YTHDC2: variants seen among roughly 807,000 people sequenced by gnomAD.
YTHDC2 encodes 3'-5' RNA helicase YTHDC2.
Under a neutral mutation model 174.9 loss-of-function variants are expected in YTHDC2, and 45 were observed. The observed-to-expected ratio is 0.26, with a 90% CI of 0.20 to 0.33. The LOEUF (loss-of-function observed/expected upper bound fraction) is 0.33, where lower values mean the gene tolerates loss of function less well. Among genes scored for constraint, YTHDC2 ranks in the 10% least tolerant of loss-of-function variants. The probability of loss-of-function intolerance (pLI) is 1.00; values close to 1 mark genes in which losing one functional copy is unlikely to be tolerated. For missense variants in YTHDC2, 1,650 were observed against 1,723.7 expected, an observed-to-expected ratio of 0.96 and a Z score of 0.76; for synonymous variants, 657 against 574.5, an observed-to-expected ratio of 1.14 and a Z score of -2.05.
At chr5:113,586,871 CTCTATA>C (rs1172928766) in intron 26 of YTHDC2, among the ~76,000 whole-genome samples, 4 of 130,544 alleles carry the variant, frequency 3.1e-5, no homozygotes, top group African/African-American at 1.2e-4. Context: ...CTCTCTCTCT[CTCTATA>C]TATATATATA....
At chr5:113,576,786 T>A (rs1778080321) in intron 23 of YTHDC2, among the ~76,000 whole-genome samples, 1 of 151,976 alleles carries the variant, frequency 6.6e-6, no homozygotes, top group Admixed American at 6.6e-5. Flanking sequence ...AAAGATGTTA[T>A]TAATCTTTTT....
In YTHDC2 at chr5:113,567,711, A is replaced by T; in HGVS notation, c.3106A>T (p.Ile1036Phe). 6.2e-7 allele frequency: 1 copy of T among 1,610,054 alleles called. No individual in the cohort carries two copies. The highest frequency in any genetic ancestry group is 2.2e-5 in the East Asian group (1 of 44,636). Reference protein sequence around the residue: ...AIKALPTDWLIYDEMTRAHRI... With the variant: ...AIKALPTDWLFYDEMTRAHRI... ...TAAGGCACTGCCCACAGATTGGCTT[A>T]TTTATGATGAAATGACCAGAGCCCA... The change falls in exon 23 of 30, where the codon ATT becomes TTT. Residue 1036 changes from isoleucine to phenylalanine, a missense_variant. Ile to Phe is a conservative substitution (Grantham distance 21). Transcript: ENST00000161863.
At chr5:113,562,808 T>A (rs1204994715) in intron 18 of YTHDC2, among the ~76,000 whole-genome samples, 1 of 152,220 alleles carries the variant, frequency 6.6e-6, no homozygotes, top group Non-Finnish European at 1.5e-5. Context: ...TTTTCTGAAC[T>A]TGCTTAAATC....
chr5:113,553,370 G>A lies in YTHDC2; in HGVS notation c.1867+11G>A, dbSNP rs1298692439. On this transcript the variant is annotated intron_variant, in intron 13 of 29. Coordinates refer to ENST00000161863, the MANE Select transcript of YTHDC2 (RefSeq NM_022828.5). Reference sequence around the variant, plus strand: ...ATAGTTGTGATGCTGGTAAATACGTGTTGTCTAAAAGAACTGGAGCAAAAT... The same window carrying A: ...ATAGTTGTGATGCTGGTAAATACGTATTGTCTAAAAGAACTGGAGCAAAAT... 2 of 1,583,026 alleles carry A rather than the reference G, an allele frequency of 1.3e-6. No individual in the cohort carries two copies. The highest frequency in any genetic ancestry group is 1.7e-6 in the Non-Finnish European group (2 of 1,170,556).
chr5:113,575,913 T>G (rs948846133), intron 23 of YTHDC2, among the ~76,000 whole-genome samples: 6 of 152,006 alleles, frequency 3.9e-5, no homozygotes, highest in African/African-American at 1.4e-4. Flanking sequence ...AAAATTATTT[T>G]GAAGGTACTA....
chr5:113,522,141 G>T (rs200997666), intron 2 of YTHDC2, among the ~76,000 whole-genome samples: 5,446 of 130,758 alleles, frequency 0.042, 150 homozygotes, highest in Middle Eastern at 0.063. Flanking sequence ...TTTGTTTTTT[G>T]TTTTTTTTTT....
chr5:113,567,503 C>T (rs562544387), intron 22 of YTHDC2, 151 bp from the exon 23 acceptor site: 35 of 662,570 alleles, frequency 5.3e-5, no homozygotes, highest in South Asian at 2.4e-4. Flanking sequence ...TACTTTTGTA[C>T]GAACTACATG....
Position 113,567,835 on chromosome 5 carries a change from C to T in YTHDC2, c.3230C>T (p.Pro1077Leu), listed in dbSNP as rs572287903. 149 of 1,551,132 alleles carry T rather than the reference C, an allele frequency of 9.6e-5. 2 individuals carry two copies. In the South Asian group the frequency reaches 1.8e-3, roughly 19 times the overall value. ...ARLASNALQE[P>L]SSFRVDGIPN... Reference sequence around the variant, plus strand: ...TTGGCAAGTAATGCTCTTCAGGAACCTTCATCCTTTAGAGGTAAATGTATT... The same window carrying T: ...TTGGCAAGTAATGCTCTTCAGGAACTTTCATCCTTTAGAGGTAAATGTATT... Residue 1077 changes from proline (P) to leucine (L), a missense_variant, in exon 23 of 30, where the codon CCT (proline) becomes CTT (leucine). Physicochemically the swap from Pro to Leu is moderately conservative, Grantham distance 98. Transcript: ENST00000161863.
chr5:113,580,374 T>TA (rs2112788603), intron 24 of YTHDC2, among the ~76,000 whole-genome samples: 1 of 152,278 alleles, frequency 6.6e-6, no homozygotes, highest in Admixed American at 6.5e-5. Flanking sequence ...GAGAGAAAGA[T>TA]ATGATTCCAT....
chr5:113,572,336 G>A (rs1412751360), intron 23 of YTHDC2, among the ~76,000 whole-genome samples: 1 of 152,186 alleles, frequency 6.6e-6, no homozygotes, highest in Non-Finnish European at 1.5e-5. Flanking sequence ...CTGATAGACT[G>A]TTATGATTTT....
chr5:113,551,175 G>C (rs1776229649), intron 12 of YTHDC2, among the ~76,000 whole-genome samples: 1 of 151,936 alleles, frequency 6.6e-6, no homozygotes, highest in African/African-American at 2.4e-5. Context: ...TTCTGATATG[G>C]TAGGTTTAGT....
intron 24 of YTHDC2, among the ~76,000 whole-genome samples, chr5:113,580,945 T>C (rs1320745631): frequency 1.3e-5 from 2 of 152,180 alleles, no homozygotes; most frequent in Non-Finnish European, 2.9e-5. Context: ...TCTTATCTTC[T>C]TACTCCCTCT....
intron 10 of YTHDC2, among the ~76,000 whole-genome samples, chr5:113,544,612 T>G (rs1263130599): frequency 6.6e-6 from 1 of 152,208 alleles, no homozygotes; most frequent in Non-Finnish European, 1.5e-5. Flanking sequence ...TCCCTTTTTC[T>G]GCTTCTGGAG....
intron 12 of YTHDC2, 137 bp from the exon 13 acceptor site, chr5:113,553,044 C>G (rs1437130403): frequency 3.0e-5 from 26 of 867,534 alleles, no homozygotes; most frequent in Non-Finnish European, 4.1e-5. Flanking sequence ...GAAATCAAAA[C>G]ATGAATCATA....
In YTHDC2 at chr5:113,525,008, G is replaced by A; in HGVS notation, c.306G>A (p.Val102=). 6.2e-7 allele frequency: 1 copy of A among 1,605,612 alleles called. No homozygotes were observed. Among genetic ancestry groups the A allele is most frequent in the Non-Finnish European group, 8.5e-7 (1 of 1,177,246 alleles). Residue 102 remains valine, a synonymous_variant, in exon 3 of 30, where the codon GTG becomes GTA. Coordinates refer to ENST00000161863, the MANE Select transcript of YTHDC2 (RefSeq NM_022828.5). ...KGKGANRYLT[V]KKKDGSETAH... is the part of the protein sequence containing the mutation. Reference sequence around the variant, plus strand: ...AGGGAGCAAATAGATACCTAACTGTGAAGAAGAAAGATGGATCAGAAACAG... The same window carrying A: ...AGGGAGCAAATAGATACCTAACTGTAAAGAAGAAAGATGGATCAGAAACAG...
rs761247752 is a variant in YTHDC2 at position 113,541,046 on chromosome 5, G to C, written c.1289G>C (p.Arg430Thr). The C allele has an allele frequency of 6.2e-7, 1 of 1,614,178 alleles. No homozygotes were observed. The highest frequency in any genetic ancestry group is 1.3e-5 in the African/African-American group (1 of 75,062). The stretch of plus-strand genomic sequence containing the variant: ...TTCAAGCCTGAATCTCAGAGGCAGA[G>C]AACTGTTCTAAATGTGACTGATGAG... ...NSFKPESQRQRTVLNVTDEYD... is the reference protein window; with the variant it reads ...NSFKPESQRQTTVLNVTDEYD... The change falls in exon 9 of 30, where the codon AGA (arginine) becomes ACA (threonine). Residue 430 changes from arginine (R) to threonine (T), a missense_variant. Arg to Thr is a moderately conservative substitution (Grantham distance 71). Coordinates refer to ENST00000161863, the MANE Select transcript of YTHDC2 (RefSeq NM_022828.5).
At chr5:113,570,240 GCA>G (rs1414544441) in intron 23 of YTHDC2, among the ~76,000 whole-genome samples, 1 of 151,214 alleles carries the variant, frequency 6.6e-6, no homozygotes, top group African/African-American at 2.4e-5. Context: ...GGGATTACAG[GCA>G]CGCACCACAA....
chr5:113,577,585 G>T (rs577731017), intron 23 of YTHDC2, among the ~76,000 whole-genome samples: 1 of 152,066 alleles, frequency 6.6e-6, no homozygotes, highest in African/African-American at 2.4e-5. Context: ...GCCCAGGCTG[G>T]TCTCAAACTT....
Position 113,584,358 on chromosome 5 carries a change from G to C in YTHDC2, c.3704G>C (p.Arg1235Thr), listed in dbSNP as rs1362133088. 1 of 1,613,856 alleles carries C rather than the reference G, an allele frequency of 6.2e-7. No individual in the cohort carries two copies. The highest frequency in any genetic ancestry group is 8.5e-7 in the Non-Finnish European group (1 of 1,179,860). The change falls in exon 26 of 30, where the codon AGA (arginine) becomes ACA (threonine). Residue 1235 changes from arginine (R) to threonine (T), a missense_variant. This residue lies in a region of YTHDC2 where 913 missense variants were observed against 940.4 expected (regional missense o/e 0.97). Transcript: ENST00000161863. ...CACCCACCTCAGAAGTACAAAGATA[G>C]AGGAATTTTACATCCTAAACGAGGT... ...ALHPPQKYKD[R>T]GILHPKRGTE...
Sources: gnomAD v4.1 joint callset for allele counts (sites outside exome capture counted in the v4.1 genomes callset) on GRCh38, gnomAD v4.1.1 for gene constraint, gnomAD v4.1.1 regional missense constraint, MANE v1.5 for transcripts, NCBI Gene and HGNC (gene_info 2026-07-23, HGNC 2026-07-21) for gene names.